Variants in CELF6 observed in about 807,000 individuals in gnomAD.
The protein encoded by CELF6 is Bruno -like 6, RNA binding protein.
Under a neutral mutation model 53.1 loss-of-function variants are expected in CELF6, and 32 were observed. That is an observed-to-expected ratio of 0.60 (90% CI 0.46 to 0.81). The LOEUF is 0.81. CELF6 is among the 30% of genes least tolerant of loss of function. The pLI is 0.00. For missense variants in CELF6, 539 were observed against 669.5 expected, an observed-to-expected ratio of 0.81 and a Z score of 2.15; for synonymous variants, 291 against 288.8, an observed-to-expected ratio of 1.01 and a Z score of -0.08.
In CELF6 at chr15:72,289,370, C is replaced by G. The variant is rs779243483; in HGVS notation, c.880+5G>C. 6 of 1,549,308 alleles carry G rather than the reference C, an allele frequency of 3.9e-6. No individual in the cohort carries two copies. Among genetic ancestry groups the G allele is most frequent in the African/African-American group, 1.4e-5 (1 of 73,956 alleles). ...CAGGCGCGCCCCAGTCCCTGGGGGC[C>G]GTACCTGCCGCGGGCAACAGAGGCG... On this transcript the variant is annotated splice_donor_5th_base_variant and intron_variant, in intron 7 of 12. Transcript: ENST00000287202. This position sits in a 1 kb window ranked among gnomAD's most constrained non-coding sequence, Gnocchi z 7.6.
At chr15:72,287,146 G>A in intron 12 of CELF6, 91 bp downstream of exon 12, 1 of 1,195,382 alleles carries the variant, frequency 8.4e-7, no homozygotes, top group Non-Finnish European at 1.2e-6. Flanking sequence ...CTCAGAGGTG[G>A]GTGCCTCCAA....
intron 2 of CELF6, among the ~76,000 whole-genome samples, 176 bp downstream of exon 2, chr15:72,315,669 G>T (rs193026558): frequency 6.6e-6 from 1 of 152,296 alleles, no homozygotes; most frequent in East Asian, 1.9e-4. Flanking sequence ...TGAGCCAGAA[G>T]ATTGGATGTA....
In CELF6 at chr15:72,294,765, G is replaced by T. The variant is rs181478046; in HGVS notation, c.395-4510C>A. Reference sequence around the variant, plus strand: ...GGCCAACGTGGGTGGATCACATGAGGTCAGGAGTTCAAGACCAGGCTGGCC... The same window carrying T: ...GGCCAACGTGGGTGGATCACATGAGTTCAGGAGTTCAAGACCAGGCTGGCC... On this transcript the variant is annotated intron_variant, in intron 3 of 12. Transcript: ENST00000287202. 3.3e-3 allele frequency among the ~76,000 whole-genome samples: 496 copies of T among 152,014 alleles called. 2 individuals are homozygous for T. The highest frequency in any genetic ancestry group is 0.012 in the African/African-American group (482 of 41,452).
intron 3 of CELF6, among the ~76,000 whole-genome samples, chr15:72,293,751 T>A (rs546213642): frequency 1.3e-5 from 2 of 151,112 alleles, no homozygotes; most frequent in South Asian, 2.1e-4. Context: ...TGGAGAGCAA[T>A]GGCACGATCT....
intron 2 of CELF6, chr15:72,306,421 C>T: frequency 2.3e-6 from 1 of 441,054 alleles, no homozygotes; most frequent in Non-Finnish European, 3.0e-6. Flanking sequence ...TTGCTCGTTG[C>T]CGAGACAACA....
chr15:72,290,948 C>T (rs898912733), intron 3 of CELF6, among the ~76,000 whole-genome samples: 24 of 152,188 alleles, frequency 1.6e-4, no homozygotes, highest in Non-Finnish European at 4.4e-5. Flanking sequence ...TTTCCTACTA[C>T]AGTTGCTGAA....
chr15:72,289,793 T>C lies in CELF6; in HGVS notation c.604-23A>G. On this transcript the variant is annotated intron_variant, in intron 5 of 12. Transcript: ENST00000287202. This position sits in a 1 kb window ranked among gnomAD's most constrained non-coding sequence, Gnocchi z 7.6. ...GCCCTGGGCAGGGCAGGGGAGGCCG[T>C]GGTGACCGGTCCTGACCCTGGCCCC... 6.9e-7 allele frequency: 1 copy of C among 1,450,942 alleles called. No individual in the cohort carries two copies. The highest frequency in any genetic ancestry group is 1.4e-5 in the South Asian group (1 of 71,068). 89.9% of individuals were successfully genotyped at this position (1,450,942 alleles called of 1,614,324 possible).
At chr15:72,293,695 C>CTTT (rs34917839) in intron 3 of CELF6, among the ~76,000 whole-genome samples, 1 of 128,774 alleles carries the variant, frequency 7.8e-6, no homozygotes, top group African/African-American at 2.7e-5. Context: ...CTATCAAATG[C>CTTT]TTTTTTTTTT....
At position 72,301,108 on chromosome 15, in the gene CELF6, C is replaced by T. The variant is rs532294207; in HGVS notation, c.394+3638G>A. On this transcript the variant is annotated intron_variant, in intron 3 of 12. Transcript: ENST00000287202. ...AAGTGATCCTCCTGCCTCAGCCTCC[C>T]GAGTAGCTGGGTAGCTGGGACTAAA... Among the ~76,000 whole-genome samples the T allele has an allele frequency of 3.9e-5, 6 of 152,124 alleles. No individual in the cohort carries two copies. In the South Asian group the frequency reaches 6.2e-4, roughly 16 times the overall value.
intron 2 of CELF6, among the ~76,000 whole-genome samples, chr15:72,309,287 G>A (rs2088268074): frequency 1.3e-5 from 2 of 152,216 alleles, no homozygotes; most frequent in African/African-American, 4.8e-5. Flanking sequence ...GTCACTATGT[G>A]GAGAAAGGAT....
In CELF6 at chr15:72,288,717, C is replaced by T; in HGVS notation, c.1094-99G>A. On this transcript the variant is annotated intron_variant, in intron 9 of 12. Coordinates refer to ENST00000287202, the MANE Select transcript of CELF6 (RefSeq NM_052840.5). This position sits in a 1 kb window ranked among gnomAD's most constrained non-coding sequence, Gnocchi z 4.6. ...CTTTTGACCAATTCAGCCCAGTCCA[C>T]CATAACCCTCACCCCAAGAGAGGTC... 1 of 1,387,848 alleles carries T rather than the reference C, an allele frequency of 7.2e-7. No homozygotes were observed. The highest frequency in any genetic ancestry group is 1.3e-5 in the South Asian group (1 of 79,342). The allele number at this position is 1,387,848 out of a possible 1,614,324, so 86.0% of individuals were successfully genotyped here.
At chr15:72,295,951 A>C (rs1321546120) in intron 3 of CELF6, among the ~76,000 whole-genome samples, 2 of 152,150 alleles carry the variant, frequency 1.3e-5, no homozygotes, top group Non-Finnish European at 2.9e-5. Flanking sequence ...GCAATCTTGA[A>C]GAAGAAGAAG....
Position 72,289,162 on chromosome 15 carries a change from T to G in CELF6, c.1006A>C (p.Asn336His), listed in dbSNP as rs138555565. The G allele has an allele frequency of 1.9e-3, 3,009 of 1,553,976 alleles. 6 individuals carry two copies. Among genetic ancestry groups the G allele is most frequent in the Non-Finnish European group, 2.4e-3 (2,785 of 1,160,082 alleles). The change falls in exon 8 of 13, where the codon AAT (asparagine) becomes CAT (histidine). Residue 336 changes from asparagine to histidine, a missense_variant. This residue lies in a region of CELF6 where 358 missense variants were observed against 412.8 expected (regional missense o/e 0.87). Coordinates refer to ENST00000287202, the MANE Select transcript of CELF6 (RefSeq NM_052840.5). The surrounding 1 kb of genome is among the most constrained non-coding windows in gnomAD (Gnocchi z 7.6). ...NGQPGSDTLY[N>H]NGLSPYPAQS... is the part of the protein sequence containing the mutation. ...CCTGGATAAGGGGAGAGCCCGTTAT[T>G]GTAGAGCGTGTCGGAGCCCGGCTGG...
At position 72,319,735 on chromosome 15, in the gene CELF6, T is replaced by C. The variant is rs1040706294; in HGVS notation, c.140A>G (p.Lys47Arg). ...AVPMKDHDAIKLFVGQIPRGL... is the reference protein window; with the variant it reads ...AVPMKDHDAIRLFVGQIPRGL... Reference sequence around the variant, plus strand: ...CCGCGGGATCTGCCCCACGAAGAGCTTGATGGCGTCGTGGTCCTTCATGGG... The same window carrying C: ...CCGCGGGATCTGCCCCACGAAGAGCCTGATGGCGTCGTGGTCCTTCATGGG... Residue 47 changes from lysine (K) to arginine (R), a missense_variant, in exon 1 of 13, where the codon AAG becomes AGG. Coordinates refer to ENST00000287202, the MANE Select transcript of CELF6 (RefSeq NM_052840.5). The surrounding 1 kb of genome is among the most constrained non-coding windows in gnomAD (Gnocchi z 5.0). 1.2e-6 allele frequency: 2 copies of C among 1,601,996 alleles called. No individual in the cohort carries two copies. The highest frequency in any genetic ancestry group is 1.3e-5 in the African/African-American group (1 of 74,690).
chr15:72,315,623 T>G (rs559343921), intron 2 of CELF6, among the ~76,000 whole-genome samples: 1 of 152,258 alleles, frequency 6.6e-6, no homozygotes. Context: ...AAAAGATGGG[T>G]GGAACGCCTG....
chr15:72,299,316 T>C (rs1360804057), intron 3 of CELF6, among the ~76,000 whole-genome samples: 2 of 152,012 alleles, frequency 1.3e-5, no homozygotes, highest in Admixed American at 1.3e-4. Context: ...TTAATGTTCA[T>C]GTTCAAATGC....
rs2087963767 is a variant in CELF6 at position 72,289,113 on chromosome 15, G to T, written c.1030+25C>A. On this transcript the variant is annotated intron_variant, in intron 8 of 12. Transcript: ENST00000287202. The surrounding 1 kb of genome is among the most constrained non-coding windows in gnomAD (Gnocchi z 7.6). Reference sequence around the variant, plus strand: ...CCCGCTCCCCACTCCATTTCGGGGGGATTTGGGCGGAGCGGGGGGCCCACC... The same window carrying T: ...CCCGCTCCCCACTCCATTTCGGGGGTATTTGGGCGGAGCGGGGGGCCCACC... 3 of 1,492,418 alleles carry T rather than the reference G, an allele frequency of 2.0e-6. No individual in the cohort carries two copies. The highest frequency in any genetic ancestry group is 2.7e-6 in the Non-Finnish European group (3 of 1,123,260). 92.4% of individuals were successfully genotyped at this position (1,492,418 alleles called of 1,614,324 possible).
intron 1 of CELF6, among the ~76,000 whole-genome samples, chr15:72,316,698 G>T (rs1382315593): frequency 2.0e-5 from 3 of 152,176 alleles, no homozygotes; most frequent in Non-Finnish European, 4.4e-5. Flanking sequence ...TGTTTGTTCA[G>T]CCTCAGGACC....
In CELF6 at chr15:72,319,954, G is replaced by C; in HGVS notation, c.-80C>G. 1 of 1,370,086 alleles carries C rather than the reference G, an allele frequency of 7.3e-7. No homozygotes were observed. Among genetic ancestry groups the C allele is most frequent in the Non-Finnish European group, 9.4e-7 (1 of 1,066,872 alleles). The allele number at this position is 1,370,086 out of a possible 1,614,324, so 84.9% of individuals were successfully genotyped here. A position where few individuals can be genotyped will look rare whatever the true frequency, so the allele number is the denominator to read the frequency against. On this transcript the variant is annotated 5_prime_UTR_variant, in exon 1 of 13. Transcript: ENST00000287202. This position sits in a 1 kb window ranked among gnomAD's most constrained non-coding sequence, Gnocchi z 5.0. The stretch of plus-strand genomic sequence containing the variant: ...TCCCCTCCCTGGACCGGTGGCGAGG[G>C]CCAGGGGGAGGGGGCGGAGCCCGGG...
Sources: gnomAD v4.1 joint callset for allele counts (sites outside exome capture counted in the v4.1 genomes callset) on GRCh38, gnomAD v4.1.1 for gene constraint, gnomAD v4.1.1 regional missense constraint, Gnocchi (gnomAD v3.1) non-coding constraint, MANE v1.5 for transcripts, NCBI Gene and HGNC (gene_info 2026-07-23, HGNC 2026-07-21) for gene names.